Variants in MPDZ observed in about 807,000 individuals in gnomAD.
MPDZ encodes multiple PDZ domain crumbs cell polarity complex component.
A neutral mutation model predicts 239.1 loss-of-function variants in MPDZ; 234 were observed. That is an observed-to-expected ratio of 0.98 (90% CI 0.88 to 1.09). The LOEUF (loss-of-function observed/expected upper bound fraction) is 1.09. Among genes scored for constraint, MPDZ ranks in the 50% least tolerant of loss-of-function variants. The pLI, the probability that MPDZ is intolerant of heterozygous loss-of-function variation, is 0.00. For missense variants in MPDZ, 3,175 were observed against 2,510.0 expected, an observed-to-expected ratio of 1.26 and a Z score of -5.66; for synonymous variants, 1,048 against 881.3, an observed-to-expected ratio of 1.19 and a Z score of -3.35.
At chr9:13,222,093 T>A in intron 6 of MPDZ, 140 bp downstream of exon 6, 1 of 617,434 alleles carries the variant, frequency 1.6e-6, no homozygotes, top group Non-Finnish European at 2.7e-6. Flanking sequence ...GAACAAATAT[T>A]CCAGGCTGGG....
chr9:13,110,000 A>C lies in MPDZ; in HGVS notation c.5894T>G (p.Leu1965Arg). The C allele has an allele frequency of 6.2e-7, 1 of 1,613,530 alleles. No individual in the cohort carries two copies. Among genetic ancestry groups the C allele is most frequent in the Non-Finnish European group, 8.5e-7 (1 of 1,179,754 alleles). The change falls in exon 45 of 47, where the codon CTT becomes CGT. Residue 1965 changes from leucine to arginine, a missense_variant. Physicochemically the swap from Leu to Arg is moderately radical, Grantham distance 102. Transcript: ENST00000319217. ...GCTTGACGTCAGCCCAGTGAAAGAA[A>C]GACTGGAACTTGCAGGCTCCTGCTG... ...GHQQEPASSS[L>R]SFTGLTSSSI...
At chr9:13,145,128 G>C (rs1948256474) in intron 26 of MPDZ, among the ~76,000 whole-genome samples, 1 of 152,036 alleles carries the variant, frequency 6.6e-6, no homozygotes, top group Admixed American at 6.6e-5. Context: ...AAGTGTAAAA[G>C]TATAGCATAG....
chr9:13,137,345 C>G (rs891469745), intron 29 of MPDZ, among the ~76,000 whole-genome samples: 1 of 152,126 alleles, frequency 6.6e-6, no homozygotes, highest in Non-Finnish European at 1.5e-5. Flanking sequence ...TAGCCACTGC[C>G]TGACTGAGCC....
intron 7 of MPDZ, 142 bp from the exon 8 acceptor site, chr9:13,219,910 T>C (rs891552465): frequency 4.1e-6 from 3 of 733,562 alleles, no homozygotes; most frequent in Non-Finnish European, 6.7e-6. Context: ...GGGTATAATA[T>C]TAACTGTCTT....
intron 3 of MPDZ, among the ~76,000 whole-genome samples, chr9:13,231,517 C>G (rs570615789): frequency 6.6e-6 from 1 of 152,060 alleles, no homozygotes; most frequent in East Asian, 1.9e-4. Context: ...CAGTGAGCCA[C>G]TGTACTCCAG....
chr9:13,147,468 G>A, intron 26 of MPDZ, 80 bp downstream of exon 26: 2 of 1,041,146 alleles, frequency 1.9e-6, no homozygotes, highest in South Asian at 1.3e-5. Context: ...TACTCATACA[G>A]ACAACTTGGC....
chr9:13,145,566 T>C (rs1188025026), intron 26 of MPDZ, among the ~76,000 whole-genome samples: 6 of 152,082 alleles, frequency 3.9e-5, no homozygotes, highest in Non-Finnish European at 8.8e-5. Flanking sequence ...TTTAGATTAC[T>C]GGAGACCTAA....
intron 19 of MPDZ, among the ~76,000 whole-genome samples, chr9:13,181,900 AACACATTCCAG>A (rs1953388197): frequency 1.3e-5 from 2 of 152,136 alleles, no homozygotes; most frequent in African/African-American, 4.8e-5. Context: ...GTAAAGACTG[AACACATTCCAG>A]AACACATTCC....
intron 24 of MPDZ, among the ~76,000 whole-genome samples, chr9:13,153,026 G>T (rs1053790042): frequency 6.6e-6 from 1 of 152,048 alleles, no homozygotes; most frequent in African/African-American, 2.4e-5. Context: ...GCTGCACAAA[G>T]GAAGACAATG....
chr9:13,197,448 T>C (rs1044982730), intron 12 of MPDZ, among the ~76,000 whole-genome samples: 3 of 152,116 alleles, frequency 2.0e-5, no homozygotes, highest in African/African-American at 7.2e-5. Context: ...CGGGTGACTA[T>C]GATTAACTAT....
At chr9:13,124,255 T>C (rs1381791290) in intron 35 of MPDZ, among the ~76,000 whole-genome samples, 2 of 152,316 alleles carry the variant, frequency 1.3e-5, no homozygotes, top group Middle Eastern at 3.4e-3. Context: ...CAACATAAAA[T>C]TGAAAAATGA....
intron 38 of MPDZ, chr9:13,120,705 C>T (rs188826587): frequency 3.3e-5 from 5 of 152,308 alleles, no homozygotes; most frequent in African/African-American, 1.2e-4. Context: ...AGAAAAGTCG[C>T]TGCAGAACCA....
At chr9:13,184,908 G>A (rs887357802) in intron 18 of MPDZ, among the ~76,000 whole-genome samples, 1 of 151,924 alleles carries the variant, frequency 6.6e-6, no homozygotes, top group Admixed American at 6.6e-5. Context: ...ATTATAAGAT[G>A]CCAAGCTCAC....
intron 3 of MPDZ, 111 bp from the exon 4 acceptor site, chr9:13,224,694 C>G: frequency 1.4e-6 from 1 of 725,016 alleles, no homozygotes; most frequent in Non-Finnish European, 2.2e-6. Flanking sequence ...TGTCCAAATC[C>G]TTTAATCCAG....
At chr9:13,141,967 GAACA>G (rs1947759309) in intron 27 of MPDZ, among the ~76,000 whole-genome samples, 1 of 151,986 alleles carries the variant, frequency 6.6e-6, no homozygotes. Flanking sequence ...CAATAAAAAT[GAACA>G]AACACACACA....
At chr9:13,203,384 A>G (rs1202487482) in intron 12 of MPDZ, among the ~76,000 whole-genome samples, 1 of 152,152 alleles carries the variant, frequency 6.6e-6, no homozygotes, top group Non-Finnish European at 1.5e-5. Context: ...AAAGTGGGGA[A>G]TCGTGCTGCT....
intron 3 of MPDZ, among the ~76,000 whole-genome samples, chr9:13,247,187 G>A (rs921914530): frequency 6.6e-6 from 1 of 152,128 alleles, no homozygotes; most frequent in African/African-American, 2.4e-5. Flanking sequence ...TCCTTTTACT[G>A]TCAAAATAGA....
In MPDZ at chr9:13,125,357, C is replaced by T. The variant is rs1944962221; in HGVS notation, c.4666G>A (p.Val1556Ile). 1.2e-6 allele frequency: 2 copies of T among 1,613,650 alleles called. No individual in the cohort carries two copies. The highest frequency in any genetic ancestry group is 1.1e-5 in the South Asian group (1 of 91,068). Residue 1556 changes from valine (V) to isoleucine (I), a missense_variant, in exon 35 of 47, where the codon GTA becomes ATA. Coordinates refer to ENST00000319217, the MANE Select transcript of MPDZ (RefSeq NM_001378778.1). The stretch of plus-strand genomic sequence containing the variant: ...TTCTCAGCATGGATGGTAAGTTTTA[C>T]TGTCATCTTTGCTGTCTTCAGAAGG... Reference protein sequence around the residue: ...ISLLKTAKMTVKLTIHAENPD... With the variant: ...ISLLKTAKMTIKLTIHAENPD...
chr9:13,148,037 C>G (rs751549599), intron 25 of MPDZ, among the ~76,000 whole-genome samples: 16 of 151,938 alleles, frequency 1.1e-4, no homozygotes, highest in Non-Finnish European at 2.2e-4. Context: ...TAATTTTCTT[C>G]TAATTGACTA....
Sources: allele counts gnomAD v4.1 joint callset (sites outside exome capture counted in the v4.1 genomes callset), GRCh38; gene constraint gnomAD v4.1.1; transcripts MANE v1.5; gene names NCBI Gene and HGNC (gene_info 2026-07-23, HGNC 2026-07-21).